The following KIF16B variants were observed in gnomAD, a reference collection of about 807,000 sequenced individuals.
The protein encoded by KIF16B is kinesin-like protein KIF16B.
KIF16B carries 98 observed loss-of-function variants against 156.3 expected under a neutral mutation model. The observed-to-expected ratio is 0.63, with a 90% confidence interval of 0.53 to 0.74. The LOEUF is 0.74. Among genes scored for constraint, KIF16B ranks in the 30% least tolerant of loss-of-function variants. The probability of loss-of-function intolerance (pLI) is 0.00; values close to 1 mark genes in which losing one functional copy is unlikely to be tolerated. For missense variants in KIF16B, 1,421 were observed against 1,606.5 expected (o/e 0.88, Z 1.97); for synonymous variants, 564 against 583.7 (o/e 0.97, Z 0.49).
chr20:16,300,326 T>C (rs537044988), intron 25 of KIF16B, among the ~76,000 whole-genome samples: 1 of 152,308 alleles, frequency 6.6e-6, no homozygotes, highest in African/African-American at 2.4e-5. Flanking sequence ...ATATAAATTA[T>C]CATATGCTAA....
At chr20:16,374,111 C>T in intron 20 of KIF16B, 146 bp downstream of exon 20, 1 of 730,414 alleles carries the variant, frequency 1.4e-6, no homozygotes, top group Non-Finnish European at 2.0e-6. Context: ...AGGCCAATGG[C>T]AGATGAAGGC....
chr20:16,404,649 C>T (rs1286864368), intron 17 of KIF16B, among the ~76,000 whole-genome samples, 164 bp downstream of exon 17: 1 of 152,082 alleles, frequency 6.6e-6, no homozygotes, highest in East Asian at 1.9e-4. Context: ...AAATTATGCA[C>T]ATATATAGTA....
At chr20:16,417,816 C>T (rs1304330014) in intron 15 of KIF16B, among the ~76,000 whole-genome samples, 2 of 151,336 alleles carry the variant, frequency 1.3e-5, no homozygotes, top group African/African-American at 4.8e-5. Context: ...CTGAAATGAT[C>T]CAATCTGAAA....
intron 22 of KIF16B, among the ~76,000 whole-genome samples, chr20:16,360,736 T>C (rs1433071222): frequency 1.3e-5 from 2 of 152,240 alleles, no homozygotes; most frequent in Admixed American, 1.3e-4. Flanking sequence ...TATTTTTCCA[T>C]TCTTGGTGAA....
rs1223565816 is a variant in KIF16B, at chr20:16,294,035, A to G, written c.3795+18300T>C. Among the ~76,000 whole-genome samples the G allele has an allele frequency of 2.6e-5, 4 of 152,246 alleles. No individual in the cohort carries two copies. In the East Asian group the frequency reaches 7.7e-4, roughly 29 times the overall value. ...GGAATGCAATTTTAGTTTGGAAGCA[A>G]ATACAAAAATGGAAGAAAATACCAA... On this transcript the variant is annotated intron_variant, in intron 25 of 25. Coordinates refer to ENST00000354981, the MANE Select transcript of KIF16B (RefSeq NM_024704.5).
rs923042720 is a variant in KIF16B, at chr20:16,353,562, C to T, written c.3621+2768G>A. ...TTTACACATACAAACTCATCCACTCCTCATACCAACCCAATGAGGGGGGGG... is the reference window on the plus strand; with the variant it reads ...TTTACACATACAAACTCATCCACTCTTCATACCAACCCAATGAGGGGGGGG... On this transcript the variant is annotated intron_variant, in intron 23 of 25. Coordinates refer to ENST00000354981, the MANE Select transcript of KIF16B (RefSeq NM_024704.5). 5.4e-4 allele frequency among the ~76,000 whole-genome samples: 82 copies of T among 152,002 alleles called. 1 individual carries two copies. The highest frequency in any genetic ancestry group is 1.9e-3 in the African/African-American group (79 of 41,332).
At chr20:16,562,854 T>C (rs950648157) in intron 1 of KIF16B, among the ~76,000 whole-genome samples, 1 of 152,164 alleles carries the variant, frequency 6.6e-6, no homozygotes, top group Non-Finnish European at 1.5e-5. Flanking sequence ...TGAGACTCAG[T>C]TTCCCATCTA....
chr20:16,505,996 G>A, intron 8 of KIF16B, 26 bp downstream of exon 8: 4 of 1,612,878 alleles, frequency 2.5e-6, no homozygotes, highest in Non-Finnish European at 3.4e-6. Flanking sequence ...GGAAACAGAG[G>A]AGGCAGGAGC....
At chr20:16,298,651 A>G (rs571964049) in intron 25 of KIF16B, among the ~76,000 whole-genome samples, 1 of 152,334 alleles carries the variant, frequency 6.6e-6, no homozygotes, top group Non-Finnish European at 1.5e-5. Flanking sequence ...TAATAAAGAC[A>G]GCAAAGACCC....
chr20:16,406,662 C>T (rs1444053239), intron 15 of KIF16B, among the ~76,000 whole-genome samples: 3 of 152,116 alleles, frequency 2.0e-5, no homozygotes, highest in Admixed American at 1.3e-4. Flanking sequence ...TCACAACACA[C>T]ATTATATCCT....
intron 1 of KIF16B, among the ~76,000 whole-genome samples, chr20:16,569,008 A>C (rs149157299): frequency 1.2e-3 from 179 of 152,150 alleles, no homozygotes; most frequent in Middle Eastern, 0.01. Flanking sequence ...GGAGGTGATT[A>C]GGTCATGAGG....
chr20:16,556,696 T>C (rs879345040), intron 1 of KIF16B, among the ~76,000 whole-genome samples: 2 of 152,150 alleles, frequency 1.3e-5, no homozygotes, highest in Admixed American at 1.3e-4. Flanking sequence ...CCTGCACCCA[T>C]TGCATGTTCC....
intron 12 of KIF16B, among the ~76,000 whole-genome samples, chr20:16,485,835 G>A (rs1381840983): frequency 2.6e-5 from 4 of 152,046 alleles, no homozygotes; most frequent in East Asian, 1.9e-4. Context: ...AGACATGCAC[G>A]TGTATATAAG....
intron 23 of KIF16B, 142 bp from the exon 24 acceptor site, chr20:16,336,157 AT>A (rs1242713245): frequency 1.7e-6 from 1 of 599,688 alleles, no homozygotes; most frequent in East Asian, 2.9e-5. Context: ...ATCTAGCTGC[AT>A]AAATACAACT....
chr20:16,442,655 C>T (rs2066834463), intron 12 of KIF16B, among the ~76,000 whole-genome samples: 1 of 152,000 alleles, frequency 6.6e-6, no homozygotes, highest in Non-Finnish European at 1.5e-5. Context: ...CTGCACCATT[C>T]TTTCACATAA....
intron 22 of KIF16B, chr20:16,368,704 G>A (rs1364822523): frequency 8.1e-6 from 8 of 985,810 alleles, no homozygotes; most frequent in Non-Finnish European, 9.6e-6. Context: ...ATAAAACTCA[G>A]ACGCCAGTAC....
intron 12 of KIF16B, among the ~76,000 whole-genome samples, chr20:16,433,236 G>A (rs2066550181): frequency 6.6e-6 from 1 of 152,144 alleles, no homozygotes. Flanking sequence ...CACACAGTCA[G>A]TAGCCCCATG....
At position 16,381,635 on chromosome 20, in the gene KIF16B, A is replaced by AT. The variant is rs1190329948; in HGVS notation, c.1838+58dup. The AT allele has an allele frequency of 2.1e-5, 27 of 1,308,714 alleles. No individual in the cohort carries two copies. In the East Asian group the frequency reaches 5.3e-4, roughly 26 times the overall value. The allele number at this position is 1,308,714 out of a possible 1,614,324, so 81.1% of individuals were successfully genotyped here. On this transcript the variant is annotated intron_variant, in intron 18 of 25. Coordinates refer to ENST00000354981, the MANE Select transcript of KIF16B (RefSeq NM_024704.5). Reference sequence around the variant, plus strand: ...CAGACACAGATGGAATCAGTCCAGGATATTAACACAGGAATCCAGACTACA... The same window carrying AT: ...CAGACACAGATGGAATCAGTCCAGGATTATTAACACAGGAATCCAGACTACA...
chr20:16,419,191 T>C (rs910140959), intron 15 of KIF16B, among the ~76,000 whole-genome samples: 5 of 152,082 alleles, frequency 3.3e-5, no homozygotes, highest in Non-Finnish European at 7.4e-5. Flanking sequence ...GGCTTTGACA[T>C]TGAAAAATAG....
Sources: gnomAD v4.1 joint callset for allele counts (sites outside exome capture counted in the v4.1 genomes callset) on GRCh38, gnomAD v4.1.1 for gene constraint, MANE v1.5 for transcripts, NCBI Gene and HGNC (gene_info 2026-07-23, HGNC 2026-07-21) for gene names.